The following LARP4 variants were observed in gnomAD, a reference collection of about 807,000 sequenced individuals.
LARP4 encodes la-related protein 4.
Under a neutral mutation model 92.9 loss-of-function variants are expected in LARP4, and 29 were observed. That is an observed-to-expected ratio of 0.31 (90% CI 0.23 to 0.43). LARP4 has a LOEUF of 0.43. LARP4 is among the 20% of genes least tolerant of loss of function. The pLI is 1.00. For synonymous variants in LARP4, 279 were observed against 284.1 expected (o/e 0.98, Z 0.18); for missense variants, 732 against 860.0 (o/e 0.85, Z 1.86).
chr12:50,466,446 AC>A (rs1435639931), intron 12 of LARP4, among the ~76,000 whole-genome samples: 1 of 152,010 alleles, frequency 6.6e-6, no homozygotes, highest in African/African-American at 2.4e-5. Context: ...AAACCTTGTC[AC>A]TACTAAAAAA....
rs773444730 is a variant in LARP4, at chr12:50,474,115, C to G, written c.1784C>G (p.Thr595Ser). The G allele has an allele frequency of 2.5e-6, 4 of 1,613,526 alleles. No individual in the cohort carries two copies. The highest frequency in any genetic ancestry group is 3.3e-5 in the Admixed American group (2 of 60,008). The change falls in exon 15 of 16, where the codon ACT becomes AGT. Residue 595 changes from threonine (T) to serine (S), a missense_variant. By Grantham distance (58) the Thr-to-Ser change is moderately conservative (BLOSUM62 1). Around this residue, in one of 7 missense-constraint regions of LARP4, gnomAD observed 97 missense variants for 85.9 expected, o/e 1.13. Transcript: ENST00000398473. Reference protein sequence around the residue: ...PSTTKPSRASTASPCNNNINA... With the variant: ...PSTTKPSRASSASPCNNNINA... ...ACTACAAAGCCATCGAGGGCAAGTA[C>G]TGCTTCACCATGTAATAATAACATA...
At chr12:50,411,805 C>T (rs1269173836) in intron 1 of LARP4, among the ~76,000 whole-genome samples, 5 of 152,016 alleles carry the variant, frequency 3.3e-5, no homozygotes, top group East Asian at 1.9e-4. Context: ...CTCAGCGTCC[C>T]GAGTAGCTGG....
rs565067501 is a variant in LARP4, at chr12:50,431,640, T to C, written c.398+1070T>C. ...GGTGGGCAGATCATGAGGTCAGGGG[T>C]TCAAGAACAGGCTTGCCAACATGGT... On this transcript the variant is annotated intron_variant, in intron 4 of 15. Transcript: ENST00000398473. 7.3e-5 allele frequency among the ~76,000 whole-genome samples: 10 copies of C among 136,858 alleles called. No individual in the cohort carries two copies. In the East Asian group the frequency reaches 2.1e-3, roughly 28 times the overall value. 89.8% of individuals were successfully genotyped at this position (136,858 alleles called of 152,430 possible). A position where few individuals can be genotyped will look rare whatever the true frequency, so the allele number is the denominator to read the frequency against.
Position 50,435,631 on chromosome 12 carries a change from A to G in LARP4, c.535+7A>G. 2 of 1,557,180 alleles carry G rather than the reference A, an allele frequency of 1.3e-6. No homozygotes were observed. Among genetic ancestry groups the G allele is most frequent in the East Asian group, 2.2e-5 (1 of 44,460 alleles). On this transcript the variant is annotated splice_region_variant and intron_variant, in intron 5 of 15. Transcript: ENST00000398473. The stretch of plus-strand genomic sequence containing the variant: ...ATTCTTGAAGTGTTAAGATGTATGT[A>G]AAAATACCTTTTAGCTTTTTTTTTA...
chr12:50,400,917 C>T lies in LARP4; in HGVS notation c.-94C>T. The T allele has an allele frequency of 1.9e-6, 3 of 1,555,980 alleles. No homozygotes were observed. Among genetic ancestry groups the T allele is most frequent in the Non-Finnish European group, 2.7e-6 (3 of 1,127,118 alleles). On this transcript the variant is annotated 5_prime_UTR_variant, in exon 1 of 16. Coordinates refer to ENST00000398473, the MANE Select transcript of LARP4 (RefSeq NM_052879.5). ...TCCACTGCCGGGTGGAGGGGCAAGG[C>T]GAGTGTGTGTCCTTATCCTAGCAAT... is the stretch of plus-strand genomic sequence containing the variant.
chr12:50,474,212 TAG>T, intron 15 of LARP4, 45 bp downstream of exon 15: 1 of 1,468,342 alleles, frequency 6.8e-7, no homozygotes, highest in Non-Finnish European at 9.3e-7. Context: ...TACAATAGAT[TAG>T]ATTTTTTTTT....
At chr12:50,418,428 A>G (rs1444692631) in intron 1 of LARP4, among the ~76,000 whole-genome samples, 5 of 152,232 alleles carry the variant, frequency 3.3e-5, no homozygotes, top group African/African-American at 7.2e-5. Flanking sequence ...TAGCTTTAAG[A>G]AAAAATACTG....
chr12:50,411,594 A>C (rs1945910232), intron 1 of LARP4, among the ~76,000 whole-genome samples: 1 of 150,900 alleles, frequency 6.6e-6, no homozygotes, highest in East Asian at 2.0e-4. Context: ...CTCCCAAAGT[A>C]CTGGGATTAC....
At chr12:50,420,315 G>T (rs1947514877) in intron 1 of LARP4, among the ~76,000 whole-genome samples, 1 of 152,214 alleles carries the variant, frequency 6.6e-6, no homozygotes, top group African/African-American at 2.4e-5. Context: ...AATGCAACTA[G>T]AGAGACCAAA....
intron 8 of LARP4, among the ~76,000 whole-genome samples, chr12:50,451,333 G>A (rs563317744): frequency 7.2e-5 from 11 of 152,252 alleles, no homozygotes; most frequent in African/African-American, 2.2e-4. Context: ...TTATGTGCCT[G>A]CCCTATTTCA....
intron 8 of LARP4, among the ~76,000 whole-genome samples, chr12:50,443,261 T>C (rs1045612002): frequency 6.6e-6 from 1 of 152,070 alleles, no homozygotes; most frequent in African/African-American, 2.4e-5. Context: ...TATGGCTGTT[T>C]TGTTTTGTTT....
At chr12:50,463,167 A>G (rs1955667402) in intron 12 of LARP4, among the ~76,000 whole-genome samples, 1 of 151,766 alleles carries the variant, frequency 6.6e-6, no homozygotes, top group African/African-American at 2.4e-5. Flanking sequence ...CGGGCCAGGC[A>G]CCGTGGCTCG....
chr12:50,461,048 A>G (rs1955287910), intron 10 of LARP4, 87 bp from the exon 11 acceptor site: 1 of 1,042,662 alleles, frequency 9.6e-7, no homozygotes, highest in Non-Finnish European at 1.5e-6. Flanking sequence ...AAACCCCAGT[A>G]CAACAGGAGC....
chr12:50,427,848 A>C lies in LARP4; in HGVS notation c.105A>C (p.Val35=). ...CTGGAAATACTGATGCCACCCCAGT[A>C]ACTCATGGAACTGAAAGCTCTTGGC... is the stretch of plus-strand genomic sequence containing the variant. ...IAPGNTDATP[V]THGTESSWHE... Residue 35 remains valine (V), a synonymous_variant, in exon 2 of 16, where the codon GTA becomes GTC. Coordinates refer to ENST00000398473, the MANE Select transcript of LARP4 (RefSeq NM_052879.5). 1 of 1,604,324 alleles carries C rather than the reference A, an allele frequency of 6.2e-7. No homozygotes were observed. The highest frequency in any genetic ancestry group is 8.5e-7 in the Non-Finnish European group (1 of 1,173,314).
intron 6 of LARP4, 70 bp from the exon 7 acceptor site, chr12:50,440,369 A>C (rs1254472064): frequency 8.8e-7 from 1 of 1,138,400 alleles, no homozygotes; most frequent in Non-Finnish European, 1.3e-6. Flanking sequence ...ATTACTAGTA[A>C]ACAAACCAAC....
intron 8 of LARP4, among the ~76,000 whole-genome samples, chr12:50,446,346 T>C (rs1268932870): frequency 0.019 from 2 of 106 alleles, no homozygotes; most frequent in African/African-American, 0.091. Context: ...TCTCTCCCTC[T>C]CTCTCTCTCT....
rs548304749 is a variant in LARP4 at position 50,462,687 on chromosome 12, A to G, written c.1383+57A>G. ...TTTCTCTTCTGTGATTTACTATGGC[A>G]TTGACTTTCGGTCTTTCCTTTCTGG... On this transcript the variant is annotated intron_variant, in intron 12 of 15. Transcript: ENST00000398473. 6.9e-5 allele frequency: 80 copies of G among 1,158,964 alleles called. No individual in the cohort carries two copies. The South Asian group carries it at 7.2e-4, about 10-fold the overall frequency. 71.8% of individuals were successfully genotyped at this position (1,158,964 alleles called of 1,614,324 possible).
chr12:50,449,531 C>A (rs988009644), intron 8 of LARP4, among the ~76,000 whole-genome samples: 1 of 152,094 alleles, frequency 6.6e-6, no homozygotes, highest in African/African-American at 2.4e-5. Context: ...ATATTTCATG[C>A]ATTTTGGTAG....
At chr12:50,429,918 G>A (rs1174199366) in intron 3 of LARP4, among the ~76,000 whole-genome samples, 13 of 152,272 alleles carry the variant, frequency 8.5e-5, no homozygotes, top group Non-Finnish European at 8.8e-5. Context: ...GGGATTACAG[G>A]CGTGAGCCAC....
Sources: allele counts gnomAD v4.1 joint callset (sites outside exome capture counted in the v4.1 genomes callset), GRCh38; gene constraint gnomAD v4.1.1; regional missense constraint gnomAD v4.1.1; transcripts MANE v1.5; gene names NCBI Gene and HGNC (gene_info 2026-07-23, HGNC 2026-07-21).